ARHGEF11: variants seen among roughly 807,000 people sequenced by gnomAD.
ARHGEF11 encodes the protein Rho guanine nucleotide exchange factor 11.
In ARHGEF11, 55 loss-of-function variants were observed where a neutral mutation model predicts 193.7. That is an observed-to-expected ratio of 0.28 (90% CI 0.23 to 0.36). The LOEUF (loss-of-function observed/expected upper bound fraction) is 0.36, where lower values mean the gene tolerates loss of function less well. Ranked by LOEUF, ARHGEF11 falls within the 10% of genes least tolerant of loss-of-function variation. The pLI, the probability that ARHGEF11 is intolerant of heterozygous loss-of-function variation, is 1.00. For missense variants in ARHGEF11, 1,723 were observed against 2,005.6 expected (o/e 0.86, Z 2.69); for synonymous variants, 693 against 768.0 (o/e 0.90, Z 1.62).
chr1:157,044,179 CCCA>C lies in ARHGEF11; in HGVS notation c.32+117_32+119del, dbSNP rs1165249045. The C allele has an allele frequency of 3.2e-4, 285 of 901,848 alleles. 3 individuals are homozygous for C. The South Asian group carries it at 3.7e-3, about 12-fold the overall frequency. The allele number at this position is 901,848 out of a possible 1,614,324, so 55.9% of individuals were successfully genotyped here. On this transcript the variant is annotated intron_variant, in intron 1 of 40. Transcript: ENST00000368194. ...AGTCCCCAGAGACTAATGCTCCTAGCCCACCAATTCCCATAGCCCACCCAGACC... is the reference window on the plus strand; with the variant it reads ...AGTCCCCAGAGACTAATGCTCCTAGCCCAATTCCCATAGCCCACCCAGACC...
At chr1:156,939,230 C>G (rs1656225497) in intron 37 of ARHGEF11, 2 of 361,568 alleles carry the variant, frequency 5.5e-6, no homozygotes, top group Non-Finnish European at 1.0e-5. Flanking sequence ...GGAGCACTAA[C>G]AGAGACTGGT....
intron 1 of ARHGEF11, among the ~76,000 whole-genome samples, chr1:157,031,011 C>T (rs1167654790): frequency 2.0e-5 from 3 of 151,086 alleles, no homozygotes; most frequent in African/African-American, 7.3e-5. Context: ...AATCCTGTCA[C>T]ATCTTTCCTC....
intron 3 of ARHGEF11, among the ~76,000 whole-genome samples, chr1:156,983,501 C>G (rs1360432561): frequency 1.3e-5 from 2 of 152,228 alleles, no homozygotes; most frequent in African/African-American, 4.8e-5. Context: ...AGATTACAGG[C>G]GTGAGCCACC....
At chr1:157,022,367 T>C (rs1355824547) in intron 1 of ARHGEF11, among the ~76,000 whole-genome samples, 2 of 152,198 alleles carry the variant, frequency 1.3e-5, no homozygotes, top group Non-Finnish European at 2.9e-5. Context: ...TTCAATTGTA[T>C]TTCTATACAT....
intron 1 of ARHGEF11, among the ~76,000 whole-genome samples, chr1:156,995,234 C>T (rs189372762): frequency 6.6e-6 from 1 of 152,214 alleles, no homozygotes; most frequent in Non-Finnish European, 1.5e-5. Context: ...AGAGGATATA[C>T]ACCCTTCCGT....
intron 1 of ARHGEF11, among the ~76,000 whole-genome samples, chr1:157,020,040 C>T (rs928404825): frequency 1.3e-5 from 2 of 151,050 alleles, no homozygotes; most frequent in South Asian, 2.1e-4. Flanking sequence ...GGCAGAATAG[C>T]GTGAACCTGG....
intron 37 of ARHGEF11, 156 bp downstream of exon 37, chr1:156,939,392 C>T: frequency 4.0e-6 from 4 of 1,000,770 alleles, no homozygotes; most frequent in Non-Finnish European, 5.9e-6. Flanking sequence ...CAAAGCCTGC[C>T]TGATATCGGC....
At chr1:157,042,868 G>C (rs1016522311) in intron 1 of ARHGEF11, among the ~76,000 whole-genome samples, 10 of 152,208 alleles carry the variant, frequency 6.6e-5, no homozygotes, top group Non-Finnish European at 1.2e-4. Flanking sequence ...GGATGAAAAG[G>C]GAAGAAGGGC....
intron 14 of ARHGEF11, 24 bp downstream of exon 14, chr1:156,961,653 T>C (rs778688962): frequency 1.2e-6 from 2 of 1,602,020 alleles, no homozygotes; most frequent in African/African-American, 1.3e-5. Flanking sequence ...GATAAAATTA[T>C]AATCCAATCT....
chr1:157,033,999 T>C (rs1395133948), intron 1 of ARHGEF11, among the ~76,000 whole-genome samples: 1 of 152,232 alleles, frequency 6.6e-6, no homozygotes, highest in African/African-American at 2.4e-5. Flanking sequence ...GTTGAATCCT[T>C]GATGCCTAGC....
chr1:156,973,051 C>A (rs1205915464), intron 7 of ARHGEF11, among the ~76,000 whole-genome samples: 2 of 151,736 alleles, frequency 1.3e-5, no homozygotes, highest in Admixed American at 1.3e-4. Flanking sequence ...ACTTTTTTTT[C>A]TTTTTTTGTA....
At position 156,941,373 on chromosome 1, in the gene ARHGEF11, T is replaced by A; in HGVS notation, c.3513A>T (p.Gly1171=). The A allele has an allele frequency of 6.2e-7, 1 of 1,613,252 alleles. No homozygotes were observed. The highest frequency in any genetic ancestry group is 8.5e-7 in the Non-Finnish European group (1 of 1,179,518). The change falls in exon 35 of 41, where the codon GGA becomes GGT. Residue 1171 remains glycine, a splice_region_variant and synonymous_variant. Coordinates refer to ENST00000368194, the MANE Select transcript of ARHGEF11 (RefSeq NM_198236.3). ...HGEPEPEELP[G]GTGSQQRVQG... ...CACAGGACAGTTCAGGGCCCTTACCTCCAGGCAGCTCCTCAGGTTCAGGTT... is the reference window on the plus strand; with the variant it reads ...CACAGGACAGTTCAGGGCCCTTACCACCAGGCAGCTCCTCAGGTTCAGGTT...
intron 1 of ARHGEF11, among the ~76,000 whole-genome samples, chr1:156,999,465 T>A (rs1269943853): frequency 2.6e-5 from 4 of 151,928 alleles, no homozygotes; most frequent in Non-Finnish European, 4.4e-5. Context: ...TAATTCTTCT[T>A]CAGCGTATCA....
At chr1:156,962,381 G>A (rs905174731) in intron 13 of ARHGEF11, among the ~76,000 whole-genome samples, 28 of 152,200 alleles carry the variant, frequency 1.8e-4, no homozygotes, top group African/African-American at 5.5e-4. Context: ...CTGCCCTCCC[G>A]TTCTAAGCAG....
At chr1:157,021,833 G>A (rs1457110131) in intron 1 of ARHGEF11, among the ~76,000 whole-genome samples, 1 of 152,138 alleles carries the variant, frequency 6.6e-6, no homozygotes, top group African/African-American at 2.4e-5. Flanking sequence ...CAGCAATATG[G>A]ATAAAGGATT....
chr1:157,015,179 C>T (rs1669058595), intron 1 of ARHGEF11, among the ~76,000 whole-genome samples: 1 of 152,168 alleles, frequency 6.6e-6, no homozygotes, highest in Admixed American at 6.6e-5. Context: ...CTATGCTTCT[C>T]ATTTTCCCCT....
At chr1:156,951,113 T>TA (rs1659027482) in intron 22 of ARHGEF11, among the ~76,000 whole-genome samples, 1 of 152,244 alleles carries the variant, frequency 6.6e-6, no homozygotes, top group African/African-American at 2.4e-5. Context: ...CATTTGTCTT[T>TA]AAAGTACCCA....
At chr1:157,030,596 C>T (rs1671179420) in intron 1 of ARHGEF11, among the ~76,000 whole-genome samples, 1 of 152,040 alleles carries the variant, frequency 6.6e-6, no homozygotes, top group Admixed American at 6.6e-5. Context: ...TGTCTGGCTC[C>T]CTTAAGAATT....
intron 15 of ARHGEF11, among the ~76,000 whole-genome samples, chr1:156,959,932 TCC>T (rs372767382): frequency 0.014 from 968 of 71,288 alleles, 3 homozygotes; most frequent in South Asian, 0.039. Flanking sequence ...TAACCCCCCC[TCC>T]CCCCCCCCCA....
Sources: allele counts gnomAD v4.1 joint callset (sites outside exome capture counted in the v4.1 genomes callset), GRCh38; gene constraint gnomAD v4.1.1; transcripts MANE v1.5; gene names NCBI Gene and HGNC (gene_info 2026-07-23, HGNC 2026-07-21).